Variants in TRIP12 observed in about 807,000 individuals in gnomAD.
The protein encoded by TRIP12 is E3 ubiquitin-protein ligase TRIP12.
TRIP12 carries 25 observed loss-of-function variants against 244.2 expected under a neutral mutation model. The observed-to-expected ratio is 0.10, with a 90% CI of 0.07 to 0.14. The LOEUF (loss-of-function observed/expected upper bound fraction) is 0.14. Among genes scored for constraint, TRIP12 ranks in the 10% least tolerant of loss-of-function variants. The pLI, the probability that TRIP12 is intolerant of heterozygous loss-of-function variation, is 1.00. For synonymous variants in TRIP12, 905 were observed against 873.1 expected, an observed-to-expected ratio of 1.04 and a Z score of -0.64; for missense variants, 1,677 against 2,486.4, an observed-to-expected ratio of 0.67 and a Z score of 6.92.
chr2:229,776,803 A>G (rs931396326), intron 37 of TRIP12, among the ~76,000 whole-genome samples: 1 of 152,214 alleles, frequency 6.6e-6, no homozygotes, highest in Non-Finnish European at 1.5e-5. Context: ...ATACATTAAA[A>G]TTATACAGTA....
chr2:229,774,274 A>AC lies in TRIP12; in HGVS notation c.5530-14_5530-13insG. ...GACTCTCTTTGGTCTAAAAAACACA[A>AC]ATGGGGGAGAAATGGTGTCAAGCAA... On this transcript the variant is annotated splice_polypyrimidine_tract_variant and intron_variant, in intron 37 of 41. Transcript: ENST00000675903. 3 of 1,594,666 alleles carry AC rather than the reference A, an allele frequency of 1.9e-6. No homozygotes were observed.
Position 229,872,295 on chromosome 2 carries a change from G to C in TRIP12, c.98+7687C>G, listed in dbSNP as rs146402743. Among the ~76,000 whole-genome samples, 340 of 152,228 alleles carry C rather than the reference G, an allele frequency of 2.2e-3. 2 individuals carry two copies. The highest frequency in any genetic ancestry group is 0.02 in the Middle Eastern group (6 of 294). ...AAAAAAAGAAGAGTCTGGGTGTGGT[G>C]GCTCATGCCTGTAATCCCAGCACTT... On this transcript the variant is annotated intron_variant, in intron 2 of 41. Transcript: ENST00000675903.
intron 23 of TRIP12, among the ~76,000 whole-genome samples, chr2:229,798,382 T>TAAA (rs1010982327): frequency 1.3e-5 from 2 of 152,022 alleles, no homozygotes; most frequent in African/African-American, 4.8e-5. Flanking sequence ...TTTGGTCTTT[T>TAAA]AAAATTTCTT....
intron 2 of TRIP12, among the ~76,000 whole-genome samples, chr2:229,876,489 C>A (rs1470632115): frequency 6.6e-6 from 1 of 152,188 alleles, no homozygotes; most frequent in African/African-American, 2.4e-5. Context: ...TGATCACACT[C>A]TTCACAACTG....
chr2:229,883,907 G>A lies in TRIP12; in HGVS notation c.-49-3779C>T, dbSNP rs572293426. Reference sequence around the variant, plus strand: ...GTGGCTCACGTGAGGTCATGAGTTCGAGACCACCCTGGCCAACATGGTGAA... The same window carrying A: ...GTGGCTCACGTGAGGTCATGAGTTCAAGACCACCCTGGCCAACATGGTGAA... On this transcript the variant is annotated intron_variant, in intron 1 of 41. Coordinates refer to ENST00000675903, the MANE Select transcript of TRIP12 (RefSeq NM_001348323.3). 9.2e-5 allele frequency among the ~76,000 whole-genome samples: 14 copies of A among 152,090 alleles called. No homozygotes were observed. The South Asian group carries it at 2.1e-3, about 23-fold the overall frequency.
intron 2 of TRIP12, among the ~76,000 whole-genome samples, chr2:229,872,386 A>G (rs1236911065): frequency 6.6e-6 from 1 of 152,210 alleles, no homozygotes; most frequent in Non-Finnish European, 1.5e-5. Flanking sequence ...CAACAAAGTG[A>G]AACCCTGTCT....
intron 8 of TRIP12, among the ~76,000 whole-genome samples, chr2:229,826,569 A>G (rs2051664498): frequency 6.6e-6 from 1 of 152,162 alleles, no homozygotes; most frequent in African/African-American, 2.4e-5. Context: ...AACAAATGGG[A>G]TATGTTCTGA....
At chr2:229,823,825 A>T (rs1315487018) in intron 8 of TRIP12, among the ~76,000 whole-genome samples, 2 of 152,204 alleles carry the variant, frequency 1.3e-5, no homozygotes, top group Non-Finnish European at 2.9e-5. Flanking sequence ...CATCTCATTA[A>T]TTCATTCATA....
At chr2:229,834,426 C>T (rs1252815203) in intron 6 of TRIP12, among the ~76,000 whole-genome samples, 2 of 152,184 alleles carry the variant, frequency 1.3e-5, no homozygotes, top group African/African-American at 4.8e-5. Context: ...TTTATCAACA[C>T]TATAAAGGTC....
chr2:229,834,139 A>C (rs2054155231), intron 6 of TRIP12, among the ~76,000 whole-genome samples: 1 of 152,258 alleles, frequency 6.6e-6, no homozygotes, highest in Admixed American at 6.5e-5. Context: ...TCTTCACAGT[A>C]CTGTGTAAGA....
intron 2 of TRIP12, among the ~76,000 whole-genome samples, chr2:229,867,521 C>T (rs2061779592): frequency 6.6e-6 from 1 of 151,848 alleles, no homozygotes; most frequent in Admixed American, 6.6e-5. Flanking sequence ...AGGAAAACAC[C>T]ACTATTAATT....
chr2:229,844,180 G>A (rs1325831800), intron 4 of TRIP12, among the ~76,000 whole-genome samples: 4 of 152,048 alleles, frequency 2.6e-5, no homozygotes, highest in Admixed American at 2.0e-4. Flanking sequence ...GATGCTTTGG[G>A]GTACTTCCTG....
At chr2:229,809,388 T>G (rs2046692884) in intron 15 of TRIP12, among the ~76,000 whole-genome samples, 1 of 152,058 alleles carries the variant, frequency 6.6e-6, no homozygotes, top group African/African-American at 2.4e-5. Context: ...GTTATTACAG[T>G]AAACAACTAT....
At position 229,791,290 on chromosome 2, in the gene TRIP12, T is replaced by C. The variant is rs201767782; in HGVS notation, c.4416-39A>G. 2.5e-5 allele frequency: 41 copies of C among 1,609,866 alleles called. No individual in the cohort carries two copies. The African/African-American group carries it at 4.2e-4, about 16-fold the overall frequency. ...ACAGTATATAAACCAAATGTAGATT[T>C]TGAAACTGATACAAAGCCAAAATCT... On this transcript the variant is annotated intron_variant, in intron 29 of 41. Transcript: ENST00000675903.
intron 31 of TRIP12, among the ~76,000 whole-genome samples, 174 bp from the exon 32 acceptor site, chr2:229,789,114 A>G (rs921295494): frequency 1.3e-5 from 2 of 152,170 alleles, no homozygotes; most frequent in African/African-American, 4.8e-5. Context: ...AACAATTCCC[A>G]CAATACACTG....
chr2:229,799,622 A>AC (rs2043730809), intron 21 of TRIP12, among the ~76,000 whole-genome samples: 1 of 152,024 alleles, frequency 6.6e-6, no homozygotes, highest in African/African-American at 2.4e-5. Context: ...TAAAAATACA[A>AC]AAATTAGCCG....
rs774911790 is a variant in TRIP12, at chr2:229,804,006, C to T, written c.2872G>A (p.Val958Ile). The T allele has an allele frequency of 3.7e-6, 6 of 1,612,320 alleles. No individual in the cohort carries two copies. Among genetic ancestry groups the T allele is most frequent in the East Asian group, 2.2e-5 (1 of 44,858 alleles). The change falls in exon 19 of 42, where the codon GTT (valine) becomes ATT (isoleucine). Residue 958 changes from valine to isoleucine, a missense_variant. Val to Ile is a conservative substitution (Grantham distance 29, BLOSUM62 3). This residue lies in a region of TRIP12 where 572 missense variants were observed against 867.8 expected (regional missense o/e 0.66). Coordinates refer to ENST00000675903, the MANE Select transcript of TRIP12 (RefSeq NM_001348323.3). The part of the protein sequence containing the change: ...LLKDVLKNHA[V>I]SSHIASMLSS... The stretch of plus-strand genomic sequence containing the variant: ...CTATTTTCATTAACACACCTTGAAA[C>T]AGCATGATTTTTCAGAACATCCTTC...
chr2:229,832,068 A>G (rs1435698194), intron 6 of TRIP12, among the ~76,000 whole-genome samples: 1 of 152,138 alleles, frequency 6.6e-6, no homozygotes, highest in Non-Finnish European at 1.5e-5. Context: ...GAAGAAAAAG[A>G]TGCCAAAATA....
At chr2:229,849,121 T>C (rs1371094089) in intron 4 of TRIP12, among the ~76,000 whole-genome samples, 2 of 152,080 alleles carry the variant, frequency 1.3e-5, no homozygotes, top group African/African-American at 4.8e-5. Context: ...ATGAAACAAA[T>C]GCATGCAGAC....
Sources: allele counts gnomAD v4.1 joint callset (sites outside exome capture counted in the v4.1 genomes callset), GRCh38; gene constraint gnomAD v4.1.1; regional missense constraint gnomAD v4.1.1; transcripts MANE v1.5; gene names NCBI Gene and HGNC (gene_info 2026-07-23, HGNC 2026-07-21).